The following B4GALNT2 variants were observed in gnomAD, a reference collection of about 807,000 sequenced individuals.
The protein encoded by B4GALNT2 is N-acetylneuraminylgalactosylglucosyl-glucoside beta-1,4-N- acetylgalactosaminyltransferase 2.
Under a neutral mutation model 51.1 loss-of-function variants are expected in B4GALNT2, and 42 were observed. The observed-to-expected ratio is 0.82, with a 90% CI of 0.64 to 1.06. B4GALNT2 has a LOEUF of 1.06. Among genes scored for constraint, B4GALNT2 ranks in the 50% least tolerant of loss-of-function variants. The pLI is 0.00. For synonymous variants in B4GALNT2, 253 were observed against 251.7 expected (o/e 1.01, Z -0.05); for missense variants, 602 against 633.6 (o/e 0.95, Z 0.54).
At chr17:49,150,360 T>C (rs375493243) in intron 3 of B4GALNT2, among the ~76,000 whole-genome samples, 12 of 150,998 alleles carry the variant, frequency 7.9e-5, no homozygotes, top group African/African-American at 2.7e-4. Context: ...CGCCTCTGCC[T>C]GGCCACCCCT....
rs567355558 is a variant in B4GALNT2 at position 49,174,428 on chromosome 17, T to C, written c.*4700T>C. ...TGTAAATGCAAACCATTCACAGTCC[T>C]GCTCAGCTAAGGGGATAGTAAAGAA... is the stretch of plus-strand genomic sequence containing the variant. On this transcript the variant is annotated 3_prime_UTR_variant, in exon 11 of 11. Transcript: ENST00000393354. The C allele has an allele frequency of 2.0e-5, 3 of 152,344 alleles. No individual in the cohort carries two copies. The South Asian group carries it at 6.2e-4, about 32-fold the overall frequency. 9.4% of individuals were successfully genotyped at this position (152,344 alleles called of 1,614,324 possible).
At chr17:49,150,232 G>T (rs1467698601) in intron 3 of B4GALNT2, among the ~76,000 whole-genome samples, 4 of 142,704 alleles carry the variant, frequency 2.8e-5, no homozygotes, top group Non-Finnish European at 6.1e-5. Context: ...CAGCCGCCCC[G>T]TCCGGGAGGG....
rs755003652 is a variant in B4GALNT2 at position 49,169,555 on chromosome 17, G to A, written c.1348G>A (p.Val450Met). 151 of 1,612,292 alleles carry A rather than the reference G, an allele frequency of 9.4e-5. No homozygotes were observed. Among genetic ancestry groups the A allele is most frequent in the Non-Finnish European group, 1.1e-4 (132 of 1,180,026 alleles). ...CATTGATGGGCTAGGGACCCTACTC[G>A]TGGGGTCATGCCCAGAAGTGATTAT... ...FFIDGLGTLL[V>M]GSCPEVIIGH... The change falls in exon 11 of 11, where the codon GTG (valine) becomes ATG (methionine). Residue 450 changes from valine (V) to methionine (M), a missense_variant. Val to Met is a conservative substitution (Grantham distance 21, BLOSUM62 1). Coordinates refer to ENST00000393354, the MANE Select transcript of B4GALNT2 (RefSeq NM_001159387.2).
rs1263693927 is a variant in B4GALNT2 at position 49,172,579 on chromosome 17, C to A, written c.*2851C>A. 6.5e-6 allele frequency: 1 copy of A among 154,184 alleles called. No homozygotes were observed. Among genetic ancestry groups the A allele is most frequent in the Non-Finnish European group, 1.5e-5 (1 of 68,060 alleles). 9.6% of individuals were successfully genotyped at this position (154,184 alleles called of 1,614,324 possible). Reference sequence around the variant, plus strand: ...TGCTTCTCCCCTTTTGCTTTTGCAACTGCTGTTTCAGGGAGAGATTCATTC... The same window carrying A: ...TGCTTCTCCCCTTTTGCTTTTGCAAATGCTGTTTCAGGGAGAGATTCATTC... On this transcript the variant is annotated 3_prime_UTR_variant, in exon 11 of 11. Transcript: ENST00000393354.
rs781473343 is a variant in B4GALNT2 at position 49,142,136 on chromosome 17, C to T, written c.317C>T (p.Ala106Val). ...CAGAGCGACCTCCCAGCGGTGAAAG[C>T]GAGGAGACAGGCTGAATTTGAACAC... ...YGQSDLPAVKARRQAEFEHFQ... is the reference protein window; with the variant it reads ...YGQSDLPAVKVRRQAEFEHFQ... Residue 106 changes from alanine (A) to valine (V), a missense_variant, in exon 3 of 11, where the codon GCG becomes GTG. By Grantham distance (64) the Ala-to-Val change is moderately conservative (BLOSUM62 0). Transcript: ENST00000393354. 38 of 1,613,918 alleles carry T rather than the reference C, an allele frequency of 2.4e-5. No homozygotes were observed. In the Admixed American group the frequency reaches 3.3e-4, roughly 14 times the overall value.
intron 5 of B4GALNT2, among the ~76,000 whole-genome samples, chr17:49,158,081 A>G (rs1401227641): frequency 6.6e-6 from 1 of 152,196 alleles, no homozygotes; most frequent in African/African-American, 2.4e-5. Context: ...CAGAGCTGAG[A>G]GGACTTGCCG....
At chr17:49,166,706 C>A (rs2042914731) in intron 9 of B4GALNT2, among the ~76,000 whole-genome samples, 1 of 152,164 alleles carries the variant, frequency 6.6e-6, no homozygotes, top group South Asian at 2.1e-4. Flanking sequence ...ATGGCTTACA[C>A]CTGTAGTCCC....
At chr17:49,127,023 A>G in the B4GALNT2 span, among the ~76,000 whole-genome samples, 115,196 of 152,072 alleles carry the variant, frequency 0.76, 44,096 homozygotes, top group Middle Eastern at 0.86. Context: ...CCTTTCTTGC[A>G]TAAATTCCCT....
intron 4 of B4GALNT2, 61 bp from the exon 5 acceptor site, chr17:49,156,505 C>A (rs1173788703): frequency 1.9e-6 from 3 of 1,579,516 alleles, no homozygotes; most frequent in Non-Finnish European, 1.7e-6. Flanking sequence ...TTGGCGAGAG[C>A]AGCGGGGAGC....
intron 5 of B4GALNT2, 105 bp downstream of exon 5, chr17:49,156,708 C>CAGA: frequency 1.5e-6 from 2 of 1,299,548 alleles, no homozygotes; most frequent in Non-Finnish European, 2.2e-6. Context: ...GATTCAAGGT[C>CAGA]AGACATGAGC....
chr17:49,153,037 A>G, intron 4 of B4GALNT2, 131 bp downstream of exon 4: 1 of 772,216 alleles, frequency 1.3e-6, no homozygotes, highest in Non-Finnish European at 2.2e-6. Context: ...CAGGAGTTCA[A>G]GACTGCAGTG....
chr17:49,134,373 T>A (rs2042571028), intron 1 of B4GALNT2, among the ~76,000 whole-genome samples: 1 of 152,214 alleles, frequency 6.6e-6, no homozygotes, highest in South Asian at 2.1e-4. Flanking sequence ...GGAGCAAACA[T>A]TCAATATCTT....
chr17:49,144,936 A>C (rs1357132849), intron 3 of B4GALNT2, among the ~76,000 whole-genome samples: 1 of 152,212 alleles, frequency 6.6e-6, no homozygotes, highest in East Asian at 1.9e-4. Context: ...AGCACCCAGC[A>C]CTGGAGAAAG....
rs919614813 is a variant in B4GALNT2 at position 49,171,471 on chromosome 17, A to G, written c.*1743A>G. 5 of 397,924 alleles carry G rather than the reference A, an allele frequency of 1.3e-5. No individual in the cohort carries two copies. The highest frequency in any genetic ancestry group is 2.4e-5 in the Non-Finnish European group (5 of 208,402). The allele number at this position is 397,924 out of a possible 1,614,324, so 24.6% of individuals were successfully genotyped here. ...AGACAAGTTTGTAGAGTGTCCTTCT[A>G]GATGCTTTTTTATTCTTTCCCAAAT... On this transcript the variant is annotated 3_prime_UTR_variant, in exon 11 of 11. Coordinates refer to ENST00000393354, the MANE Select transcript of B4GALNT2 (RefSeq NM_001159387.2).
intron 3 of B4GALNT2, among the ~76,000 whole-genome samples, chr17:49,150,233 TCCGGGAGGGAGGTGGGGGGGTCAGC>T: frequency 7.4e-6 from 1 of 135,726 alleles, no homozygotes; most frequent in South Asian, 2.6e-4. Context: ...AGCCGCCCCG[TCCGGGAGGGAGGTGGGGGGGTCAGC>T]CCCCCGCCCG....
the B4GALNT2 span, among the ~76,000 whole-genome samples, chr17:49,124,740 G>A: frequency 6.6e-6 from 1 of 152,102 alleles, no homozygotes; most frequent in Admixed American, 6.5e-5. Context: ...GAATTTTAAT[G>A]TTTGACCATA....
At chr17:49,158,520 C>T (rs534126409) in intron 5 of B4GALNT2, among the ~76,000 whole-genome samples, 4 of 151,872 alleles carry the variant, frequency 2.6e-5, no homozygotes, top group Non-Finnish European at 5.9e-5. Context: ...TGCCTGTAAT[C>T]CCAGCTACTC....
intron 1 of B4GALNT2, 142 bp downstream of exon 1, chr17:49,132,948 A>G (rs1399030919): frequency 8.6e-6 from 12 of 1,394,806 alleles, no homozygotes; most frequent in Non-Finnish European, 1.1e-5. Flanking sequence ...TGGAGTCTTA[A>G]GTCCAACCGG....
the B4GALNT2 span, among the ~76,000 whole-genome samples, chr17:49,125,183 G>C: frequency 6.6e-6 from 1 of 151,942 alleles, no homozygotes; most frequent in African/African-American, 2.4e-5. Flanking sequence ...TTTTGAGATG[G>C]AGTTTCACTC....
Sources: gnomAD v4.1 joint callset for allele counts (sites outside exome capture counted in the v4.1 genomes callset) on GRCh38, gnomAD v4.1.1 for gene constraint, MANE v1.5 for transcripts, NCBI Gene and HGNC (gene_info 2026-07-23, HGNC 2026-07-21) for gene names.